Variants in ASIC2 observed in about 807,000 individuals in gnomAD.
ASIC2 encodes acid sensing ion channel subunit 2, also known as acid-sensing ion channel 2.
A neutral mutation model predicts 57.3 loss-of-function variants in ASIC2; 25 were observed. The observed-to-expected ratio is 0.44, with a 90% CI of 0.32 to 0.61. The LOEUF is 0.61. Among genes scored for constraint, ASIC2 ranks in the 20% least tolerant of loss-of-function variants. The probability of loss-of-function intolerance (pLI) is 0.06; values close to 1 mark genes in which losing one functional copy is unlikely to be tolerated. For missense variants in ASIC2, 641 were observed against 738.1 expected (o/e 0.87, Z 1.52); for synonymous variants, 319 against 307.5 (o/e 1.04, Z -0.39).
At chr17:33,305,942 C>CA (rs564256479) in intron 1 of ASIC2, among the ~76,000 whole-genome samples, 47 of 152,092 alleles carry the variant, frequency 3.1e-4, no homozygotes, top group Non-Finnish European at 5.7e-4. Context: ...TTCTAATGAG[C>CA]AAACAGTTAT....
At chr17:33,103,911 T>A (rs1192837480) in intron 2 of ASIC2, among the ~76,000 whole-genome samples, 1 of 152,266 alleles carries the variant, frequency 6.6e-6, no homozygotes, top group Non-Finnish European at 1.5e-5. Flanking sequence ...GCCTAATAGT[T>A]CCTTTTGTAG....
At chr17:33,774,466 G>A (rs1403801118) in intron 1 of ASIC2, among the ~76,000 whole-genome samples, 1 of 152,154 alleles carries the variant, frequency 6.6e-6, no homozygotes, top group African/African-American at 2.4e-5. Context: ...TGCTGTGATT[G>A]TTGTGGTTGT....
At chr17:33,097,403 C>T (rs1442299728) in intron 2 of ASIC2, among the ~76,000 whole-genome samples, 1 of 152,180 alleles carries the variant, frequency 6.6e-6, no homozygotes, top group Non-Finnish European at 1.5e-5. Flanking sequence ...ATGAAGAAAC[C>T]AAAGCTCACA....
intron 1 of ASIC2, among the ~76,000 whole-genome samples, chr17:34,125,702 G>A (rs979259244): frequency 6.6e-5 from 10 of 152,302 alleles, no homozygotes; most frequent in African/African-American, 2.2e-4. Context: ...AGGAAGTTGA[G>A]GTGTAACATG....
At chr17:33,919,845 T>C (rs1915670954) in intron 1 of ASIC2, among the ~76,000 whole-genome samples, 1 of 152,026 alleles carries the variant, frequency 6.6e-6, no homozygotes, top group South Asian at 2.1e-4. Flanking sequence ...AATAACCCCA[T>C]TAAAAAGCGG....
intron 1 of ASIC2, among the ~76,000 whole-genome samples, chr17:33,257,196 C>T (rs1392541413): frequency 6.6e-6 from 1 of 152,194 alleles, no homozygotes; most frequent in Non-Finnish European, 1.5e-5. Context: ...TAAGCACAAC[C>T]GTGGGCAGCA....
chr17:33,682,539 C>T (rs1333496743), intron 1 of ASIC2, among the ~76,000 whole-genome samples: 1 of 151,944 alleles, frequency 6.6e-6, no homozygotes, highest in Non-Finnish European at 1.5e-5. Flanking sequence ...TGTTTTAGTC[C>T]TGATAGTTCA....
At chr17:33,367,058 A>C (rs1401155362) in intron 1 of ASIC2, among the ~76,000 whole-genome samples, 1 of 152,276 alleles carries the variant, frequency 6.6e-6, no homozygotes, top group Admixed American at 6.5e-5. Flanking sequence ...GGTGTGTACC[A>C]GGCCCTGCTG....
chr17:33,087,575 G>GTTTTTTTTTTTT (rs5820015), intron 3 of ASIC2, among the ~76,000 whole-genome samples: 1 of 111,044 alleles, frequency 9.0e-6, no homozygotes, highest in African/African-American at 3.6e-5. Flanking sequence ...TACAACCAGT[G>GTTTTTTTTTTTT]TTTTTTTTTT....
chr17:33,857,169 C>CTCGG (rs1158551318), intron 1 of ASIC2, among the ~76,000 whole-genome samples: 38 of 152,174 alleles, frequency 2.5e-4, no homozygotes, highest in Non-Finnish European at 5.3e-4. Flanking sequence ...CTCTAGTTCC[C>CTCGG]CATGCCCTCG....
chr17:34,077,453 C>T (rs750642201), intron 1 of ASIC2, among the ~76,000 whole-genome samples: 2 of 150,968 alleles, frequency 1.3e-5, no homozygotes, highest in South Asian at 2.1e-4. Context: ...GCCAGCAACA[C>T]GACGTTTTGT....
chr17:33,922,582 T>C (rs1915729925), intron 1 of ASIC2, among the ~76,000 whole-genome samples: 1 of 152,198 alleles, frequency 6.6e-6, no homozygotes, highest in Non-Finnish European at 1.5e-5. Context: ...ATCAGTAAAA[T>C]AATGAACATT....
rs375290949 is a variant in ASIC2, at chr17:33,894,508, A to G, written c.555+261470T>C. Among the ~76,000 whole-genome samples, 20 of 152,118 alleles carry G rather than the reference A, an allele frequency of 1.3e-4. No homozygotes were observed. The East Asian group carries it at 2.5e-3, about 19-fold the overall frequency. On this transcript the variant is annotated intron_variant, in intron 1 of 9. Transcript: ENST00000359872. Reference sequence around the variant, plus strand: ...CCTCTTCCCTGATGCCACCACTATGAGAGTCATATCGTTGTCCCTGAGTGG... The same window carrying G: ...CCTCTTCCCTGATGCCACCACTATGGGAGTCATATCGTTGTCCCTGAGTGG...
intron 1 of ASIC2, chr17:34,006,415 T>C (rs1471860530): frequency 2.6e-5 from 4 of 152,310 alleles, no homozygotes; most frequent in Admixed American, 2.6e-4. Context: ...TGGATTCATT[T>C]CCAGGTGCAA....
chr17:33,634,173 T>C (rs1906269481), intron 1 of ASIC2, among the ~76,000 whole-genome samples: 1 of 152,220 alleles, frequency 6.6e-6, no homozygotes, highest in South Asian at 2.1e-4. Flanking sequence ...ACTGTCACAC[T>C]CTCTAGTTCC....
chr17:33,809,298 G>A (rs1176346426), intron 1 of ASIC2, among the ~76,000 whole-genome samples: 2 of 152,196 alleles, frequency 1.3e-5, no homozygotes, highest in Non-Finnish European at 2.9e-5. Context: ...CCCCAGTGGA[G>A]TGTGTGTGTT....
At chr17:33,953,421 C>A (rs1488133585) in intron 1 of ASIC2, among the ~76,000 whole-genome samples, 1 of 152,090 alleles carries the variant, frequency 6.6e-6, no homozygotes, top group South Asian at 2.1e-4. Flanking sequence ...ATAATCAGTA[C>A]CCTTTATTAG....
At chr17:33,351,391 T>G (rs1908172298) in intron 1 of ASIC2, among the ~76,000 whole-genome samples, 1 of 152,196 alleles carries the variant, frequency 6.6e-6, no homozygotes, top group Non-Finnish European at 1.5e-5. Context: ...CGTTCATCTC[T>G]TCTCATGCTG....
At chr17:33,753,727 G>C (rs148341254) in intron 1 of ASIC2, among the ~76,000 whole-genome samples, 1 of 152,150 alleles carries the variant, frequency 6.6e-6, no homozygotes. Flanking sequence ...AACACTTGGC[G>C]GTGTATGAGT....
Sources: gnomAD v4.1 joint callset for allele counts (sites outside exome capture counted in the v4.1 genomes callset) on GRCh38, gnomAD v4.1.1 for gene constraint, MANE v1.5 for transcripts, NCBI Gene and HGNC (gene_info 2026-07-23, HGNC 2026-07-21) for gene names.